Variants in HIF3A observed in about 807,000 individuals in gnomAD.
HIF3A encodes the protein hypoxia inducible factor 3 subunit alpha.
Under a neutral mutation model 67.2 loss-of-function variants are expected in HIF3A, and 41 were observed. The ratio of observed to expected loss-of-function variants is 0.61; its 90% CI spans 0.48 to 0.79. The LOEUF (loss-of-function observed/expected upper bound fraction) is 0.79, where lower values mean the gene tolerates loss of function less well. Ranked by LOEUF, HIF3A falls within the 30% of genes least tolerant of loss-of-function variation. The pLI is 0.00. For synonymous variants in HIF3A, 356 were observed against 374.8 expected (o/e 0.95, Z 0.58); for missense variants, 855 against 898.0 (o/e 0.95, Z 0.61).
At position 46,297,378 on chromosome 19, in the gene HIF3A, G is replaced by A. The variant is rs1173995391; in HGVS notation, c.26+276G>A. Among the ~76,000 whole-genome samples, 1 of 152,130 alleles carries A rather than the reference G, an allele frequency of 6.6e-6. No individual in the cohort carries two copies. The highest frequency in any genetic ancestry group is 2.4e-5 in the African/African-American group (1 of 41,444). ...AAGGCTCATTTACCCTCCTGGTTGG[G>A]GGTGGAACTTGGGATTCCTGATAAA... On this transcript the variant is annotated intron_variant, in intron 1 of 14. Transcript: ENST00000377670. This position sits in a 1 kb window ranked among gnomAD's most constrained non-coding sequence, Gnocchi z 4.5.
rs569540549 is a variant in HIF3A, at chr19:46,341,078, A to C, written c.*1456A>C. ...ACACCCTCCAACGCCCTCCGGTTCC[A>C]GATCTTATATTCAGTGATTTCCTCT... On this transcript the variant is annotated 3_prime_UTR_variant, in exon 15 of 15. Transcript: ENST00000377670. 2.6e-5 allele frequency: 4 copies of C among 152,234 alleles called. No homozygotes were observed. The South Asian group carries it at 8.3e-4, about 32-fold the overall frequency. The allele number at this position is 152,234 out of a possible 1,614,324, so 9.4% of individuals were successfully genotyped here.
intron 8 of HIF3A, chr19:46,313,210 C>G (rs1172797763): frequency 1.3e-6 from 1 of 759,848 alleles, no homozygotes; most frequent in Non-Finnish European, 1.6e-6. Context: ...GAGATTGCGT[C>G]AGTGCACTCT....
At chr19:46,305,509 T>C in intron 3 of HIF3A, 119 bp downstream of exon 3, 1 of 997,690 alleles carries the variant, frequency 1.0e-6, no homozygotes, top group South Asian at 1.6e-5. Flanking sequence ...GGGATATAGG[T>C]ATGTCACTAG....
intron 9 of HIF3A, 113 bp from the exon 10 acceptor site, chr19:46,321,663 C>T: frequency 1.1e-6 from 1 of 909,538 alleles, no homozygotes; most frequent in East Asian, 2.4e-5. Context: ...AGAACAGTGG[C>T]CATCCTGACC....
At chr19:46,305,180 G>C in intron 2 of HIF3A, 65 bp from the exon 3 acceptor site, 1 of 1,609,810 alleles carries the variant, frequency 6.2e-7, no homozygotes, top group Non-Finnish European at 8.5e-7. Flanking sequence ...GCTAGCCCAG[G>C]GTCAGTCCAT....
intron 1 of HIF3A, chr19:46,298,215 T>TCCTCTCC: frequency 6.2e-5 from 17 of 273,742 alleles, no homozygotes; most frequent in Non-Finnish European, 8.0e-5. Context: ...ACCGCCCCCA[T>TCCTCTCC]CCTCTCCCCT....
At position 46,303,932 on chromosome 19, in the gene HIF3A, G is replaced by C. The variant is rs1199857196; in HGVS notation, c.61G>C (p.Asp21His). The change falls in exon 2 of 15, where the codon GAT becomes CAT. Residue 21 changes from aspartate to histidine, a missense_variant. By Grantham distance (81) the Asp-to-His change is moderately conservative (BLOSUM62 -1). Coordinates refer to ENST00000377670, the MANE Select transcript of HIF3A (RefSeq NM_152795.4). Reference sequence around the variant, plus strand: ...GGAGCTGCGCAAGGAAAAGTCCCGGGATGCGGCCCGCAGCCGGCGCAGCCA... The same window carrying C: ...GGAGCTGCGCAAGGAAAAGTCCCGGCATGCGGCCCGCAGCCGGCGCAGCCA... ...TTELRKEKSRDAARSRRSQET... is the reference protein window; with the variant it reads ...TTELRKEKSRHAARSRRSQET... 1 of 1,608,818 alleles carries C rather than the reference G, an allele frequency of 6.2e-7. No homozygotes were observed. The highest frequency in any genetic ancestry group is 8.5e-7 in the Non-Finnish European group (1 of 1,178,102).
chr19:46,320,540 C>T lies in HIF3A; in HGVS notation c.1123C>T (p.Pro375Ser), dbSNP rs775121474. 70 of 1,613,884 alleles carry T rather than the reference C, an allele frequency of 4.3e-5. No individual in the cohort carries two copies. Among genetic ancestry groups the T allele is most frequent in the African/African-American group, 2.3e-4 (17 of 74,928 alleles). The change falls in exon 9 of 15, where the codon CCT (proline) becomes TCT (serine). Residue 375 changes from proline (P) to serine (S), a missense_variant. Pro to Ser is a moderately conservative substitution (Grantham distance 74). Transcript: ENST00000377670. Reference sequence around the variant, plus strand: ...GGGCGCCCCCTCTCAGAAGGACACCCCTAACCCTGGGGACAGCCTTGGTAT... The same window carrying T: ...GGGCGCCCCCTCTCAGAAGGACACCTCTAACCCTGGGGACAGCCTTGGTAT... ...QRGAPSQKDT[P>S]NPGDSLDTPG...
intron 10 of HIF3A, among the ~76,000 whole-genome samples, chr19:46,324,138 G>T (rs1568533109): frequency 6.6e-6 from 1 of 152,092 alleles, no homozygotes; most frequent in African/African-American, 2.4e-5. Context: ...TCCTAAATCT[G>T]CCATTTATCA....
chr19:46,325,601 G>T lies in HIF3A; in HGVS notation c.1402G>T (p.Asp468Tyr), dbSNP rs868705353. 2.5e-6 allele frequency: 4 copies of T among 1,613,494 alleles called. No individual in the cohort carries two copies. Among genetic ancestry groups the T allele is most frequent in the Non-Finnish European group, 3.4e-6 (4 of 1,179,840 alleles). Residue 468 changes from aspartate (D) to tyrosine (Y), a missense_variant, in exon 11 of 15, where the codon GAC (aspartate) becomes TAC (tyrosine). Asp to Tyr is a radical substitution (Grantham distance 160). Transcript: ENST00000377670. ...GCACAGACTCTTCACCTCCGGGAAA[G>T]ACACTGAGGCAGTGGAGACAGATTT... ...NVHRLFTSGK[D>Y]TEAVETDLDI...
intron 14 of HIF3A, among the ~76,000 whole-genome samples, chr19:46,337,142 T>C (rs1971684005): frequency 6.6e-6 from 1 of 152,052 alleles, no homozygotes; most frequent in Non-Finnish European, 1.5e-5. Context: ...GAGAAGGTGA[T>C]AGCTGAGCAA....
In HIF3A at chr19:46,332,592, T is replaced by TC. The variant is rs1971313761; in HGVS notation, c.1830+1322dup. On this transcript the variant is annotated intron_variant, in intron 13 of 14. Transcript: ENST00000377670. ...TGGACTATGTCACTTCTGCAAGGCC[T>TC]CCCTCTAGGACCTTTCATGGCCCTC... 4.6e-5 allele frequency among the ~76,000 whole-genome samples: 7 copies of TC among 152,314 alleles called. No individual in the cohort carries two copies. The South Asian group carries it at 1.2e-3, about 27-fold the overall frequency.
chr19:46,338,517 A>G, intron 14 of HIF3A: 1 of 1,145,074 alleles, frequency 8.7e-7, no homozygotes, highest in Non-Finnish European at 1.1e-6. Context: ...ATATGTTTTG[A>G]ATGAATAAAC....
At chr19:46,310,324 G>T (rs1378538703) in intron 6 of HIF3A, among the ~76,000 whole-genome samples, 3 of 152,190 alleles carry the variant, frequency 2.0e-5, no homozygotes, top group African/African-American at 7.2e-5. Flanking sequence ...GAGCCCAGGA[G>T]GTTGAGGCTG....
At chr19:46,319,937 G>C (rs75083651) in intron 8 of HIF3A, among the ~76,000 whole-genome samples, 18,133 of 152,092 alleles carry the variant, frequency 0.12, 1,404 homozygotes, top group East Asian at 0.34. Context: ...TTTAAAAATG[G>C]TGTCAGAATA....
At chr19:46,298,282 C>A in intron 1 of HIF3A, 1 of 613,660 alleles carries the variant, frequency 1.6e-6, no homozygotes, top group Non-Finnish European at 2.5e-6. Flanking sequence ...TCTATCCCAC[C>A]CCTTTTGGGC....
chr19:46,320,614 G>A (rs1970291827), intron 9 of HIF3A, 53 bp downstream of exon 9: 1 of 1,375,336 alleles, frequency 7.3e-7, no homozygotes, highest in African/African-American at 1.4e-5. Context: ...GCCCTTGGGA[G>A]AAAGCCCAAG....
chr19:46,323,020 C>T (rs995328516), intron 10 of HIF3A, among the ~76,000 whole-genome samples: 1 of 150,192 alleles, frequency 6.7e-6, no homozygotes, highest in African/African-American at 2.5e-5. Flanking sequence ...GGGTATCGGG[C>T]AGGACCCTCT....
intron 8 of HIF3A, among the ~76,000 whole-genome samples, chr19:46,316,598 T>A (rs1969931945): frequency 6.6e-6 from 1 of 151,362 alleles, no homozygotes; most frequent in Admixed American, 6.6e-5. Context: ...AGGTCAGGAG[T>A]TCAAGACCAG....
Sources: gnomAD v4.1 joint callset for allele counts (sites outside exome capture counted in the v4.1 genomes callset) on GRCh38, gnomAD v4.1.1 for gene constraint, Gnocchi (gnomAD v3.1) non-coding constraint, MANE v1.5 for transcripts, NCBI Gene and HGNC (gene_info 2026-07-23, HGNC 2026-07-21) for gene names.